Variants in PAGE2B observed in about 807,000 individuals in gnomAD.
PAGE2B encodes putative G antigen family E member 3.
PAGE2B carries 5 observed loss-of-function variants against 7.6 expected under a neutral mutation model. That is an observed-to-expected ratio of 0.66 (90% CI 0.34 to 1.38). The LOEUF (loss-of-function observed/expected upper bound fraction) is 1.38. Among genes scored for constraint, PAGE2B ranks in the 40% most tolerant of loss-of-function variants. The pLI is 0.04. For synonymous variants in PAGE2B, 29 were observed against 26.7 expected (o/e 1.09, Z -0.27); for missense variants, 70 against 78.4 (o/e 0.89, Z 0.41).
At chrX:55,068,195 A>T in the PAGE2B span, among the ~76,000 whole-genome samples, 1 of 112,374 alleles carries the variant, frequency 8.9e-6, no homozygotes, top group East Asian at 2.8e-4. Context: ...TTTAGATCTT[A>T]CGTTTAAGTC....
chrX:55,061,831 A>T, the PAGE2B span, among the ~76,000 whole-genome samples: 2 of 111,559 alleles, frequency 1.8e-5, no homozygotes, highest in Non-Finnish European at 3.8e-5. Flanking sequence ...TGTCACAAAT[A>T]AGTGAGACCA....
At chrX:55,050,675 A>T in the PAGE2B span, among the ~76,000 whole-genome samples, 2 of 111,010 alleles carry the variant, frequency 1.8e-5, no homozygotes, top group Admixed American at 1.9e-4. Flanking sequence ...ATCTTCCTCC[A>T]TCCCTTTATT....
chrX:55,061,345 G>A, the PAGE2B span, among the ~76,000 whole-genome samples: 1 of 110,885 alleles, frequency 9.0e-6, no homozygotes, highest in Non-Finnish European at 1.9e-5. Flanking sequence ...TGTCACCCAG[G>A]TAATCAGCAT....
the PAGE2B span, among the ~76,000 whole-genome samples, chrX:55,060,527 G>A: frequency 2.7e-5 from 3 of 111,370 alleles, no homozygotes; most frequent in South Asian, 3.7e-4. Flanking sequence ...ATATTAACCC[G>A]TTATCAGATA....
Position 55,076,126 on chromosome X carries a change from G to T in PAGE2B, c.84+1G>T. 1 of 1,201,735 alleles carries T rather than the reference G, an allele frequency of 8.3e-7. No homozygotes were observed. Among genetic ancestry groups the T allele is most frequent in the Non-Finnish European group, 1.1e-6 (1 of 888,097 alleles). On this transcript the variant is annotated splice_donor_variant, in intron 2 of 4. Transcript: ENST00000374971. LOFTEE classifies it high-confidence loss of function. ...TTCCCAGCCAGTTGGATCTGTGATT[G>T]TGAGTCCTTTAACATTTGATGTTTC...
At chrX:55,053,074 A>G in the PAGE2B span, among the ~76,000 whole-genome samples, 1 of 112,578 alleles carries the variant, frequency 8.9e-6, no homozygotes, top group South Asian at 3.6e-4. Flanking sequence ...ACATATGTTT[A>G]TGTTCTTTAA....
At chrX:55,044,503 C>T in the PAGE2B span, among the ~76,000 whole-genome samples, 1 of 110,705 alleles carries the variant, frequency 9.0e-6, no homozygotes, top group Non-Finnish European at 1.9e-5. Flanking sequence ...TTGAGTACAG[C>T]GTACACTGCT....
chrX:55,039,794 TAGAC>T, the PAGE2B span, among the ~76,000 whole-genome samples: 1 of 112,094 alleles, frequency 8.9e-6, no homozygotes, highest in Admixed American at 9.5e-5. Context: ...TAAGGTCACA[TAGAC>T]AGTGTGGGCC....
At chrX:55,058,635 T>G in the PAGE2B span, among the ~76,000 whole-genome samples, 2 of 111,385 alleles carry the variant, frequency 1.8e-5, no homozygotes, top group South Asian at 3.8e-4. Flanking sequence ...AGGAAATTAA[T>G]TCTCACAGGC....
chrX:55,077,378 A>G (rs1161664886), intron 3 of PAGE2B, 21 bp from the exon 4 acceptor site: 3 of 1,206,506 alleles, frequency 2.5e-6, no homozygotes, highest in African/African-American at 1.8e-5. Flanking sequence ...TTGTAAACTG[A>G]TGACCTTTTT....
At chrX:55,067,829 T>C in the PAGE2B span, among the ~76,000 whole-genome samples, 1 of 112,737 alleles carries the variant, frequency 8.9e-6, no homozygotes, top group African/African-American at 3.2e-5. Flanking sequence ...TTCATACGTT[T>C]GTTGGCTGCA....
At chrX:55,046,900 A>G in the PAGE2B span, among the ~76,000 whole-genome samples, 1 of 111,877 alleles carries the variant, frequency 8.9e-6, no homozygotes, top group Non-Finnish European at 1.9e-5. Context: ...GTTGCTTCCT[A>G]TGTGTCAGAC....
chrX:55,075,309 G>A lies in PAGE2B; in HGVS notation c.-9+195G>A, dbSNP rs745807439. Among the ~76,000 whole-genome samples, 10 of 111,841 alleles carry A rather than the reference G, an allele frequency of 8.9e-5. No individual in the cohort carries two copies. The East Asian group carries it at 2.6e-3, about 29-fold the overall frequency. On this transcript the variant is annotated intron_variant, in intron 1 of 4. Coordinates refer to ENST00000374971, the MANE Select transcript of PAGE2B (RefSeq NM_001015038.3). ...TCGTGGCTGGGCTGGGACGAGGGAC[G>A]AGGGAGGAAGGTGGGCCACAGAGGG...
chrX:55,041,104 C>T, the PAGE2B span, among the ~76,000 whole-genome samples: 11 of 80,110 alleles, frequency 1.4e-4, no homozygotes, highest in Non-Finnish European at 2.1e-4. Context: ...TTTTTTGAGA[C>T]GGAGTCTTTC....
At chrX:55,069,606 T>A in the PAGE2B span, among the ~76,000 whole-genome samples, 1 of 111,588 alleles carries the variant, frequency 9.0e-6, no homozygotes, top group Non-Finnish European at 1.9e-5. Flanking sequence ...TGGAGTAGTT[T>A]CAGAAGGAAT....
the PAGE2B span, among the ~76,000 whole-genome samples, chrX:55,053,131 C>T: frequency 8.0e-5 from 9 of 112,194 alleles, no homozygotes; most frequent in Admixed American, 1.9e-4. Context: ...AAATGCCCAT[C>T]AGTGATAGAC....
At chrX:55,050,928 T>G in the PAGE2B span, among the ~76,000 whole-genome samples, 1 of 111,916 alleles carries the variant, frequency 8.9e-6, no homozygotes, top group African/African-American at 3.2e-5. Flanking sequence ...ATTTGGCATG[T>G]TTTTGCATTG....
the PAGE2B span, among the ~76,000 whole-genome samples, chrX:55,049,289 A>T: frequency 2.8e-5 from 3 of 107,937 alleles, no homozygotes; most frequent in East Asian, 5.8e-4. Flanking sequence ...TGTCTCTGCC[A>T]GGCTTTGGTA....
chrX:55,051,864 C>G, the PAGE2B span, among the ~76,000 whole-genome samples: 2 of 112,099 alleles, frequency 1.8e-5, no homozygotes, highest in Non-Finnish European at 3.8e-5. Flanking sequence ...AGCTGCGTTC[C>G]TTTGGAGGAG....
Sources: allele counts gnomAD v4.1 joint callset (sites outside exome capture counted in the v4.1 genomes callset), GRCh38; gene constraint gnomAD v4.1.1; transcripts MANE v1.5; gene names NCBI Gene and HGNC (gene_info 2026-07-23, HGNC 2026-07-21).